Variants in CCDC50 observed in about 807,000 individuals in gnomAD.
CCDC50 encodes coiled-coil domain containing 50.
CCDC50 carries 54 observed loss-of-function variants against 70.2 expected under a neutral mutation model. That is an observed-to-expected ratio of 0.77 (90% CI 0.62 to 0.96). CCDC50 has a LOEUF of 0.96. Among genes scored for constraint, CCDC50 ranks in the 50% least tolerant of loss-of-function variants. CCDC50 has a pLI of 0.00. For synonymous variants in CCDC50, 216 were observed against 198.8 expected (o/e 1.09, Z -0.73); for missense variants, 558 against 578.7 (o/e 0.96, Z 0.37).
Position 191,367,438 on chromosome 3 carries a change from TA to T in CCDC50, c.331-2477del, listed in dbSNP as rs553094313. Reference sequence around the variant, plus strand: ...ATGAATCTCTCTTTTCTCCAAATGTTAAAATGAATCTCTTTTCTCCGAATGT... The same window carrying T: ...ATGAATCTCTCTTTTCTCCAAATGTTAAATGAATCTCTTTTCTCCGAATGT... On this transcript the variant is annotated intron_variant, in intron 4 of 11. Transcript: ENST00000392455. Among the ~76,000 whole-genome samples the T allele has an allele frequency of 1.1e-3, 171 of 152,174 alleles. 2 individuals are homozygous for T. Among genetic ancestry groups the T allele is most frequent in the African/African-American group, 3.9e-3 (164 of 41,572 alleles).
chr3:191,376,816 G>A (rs1045717876), intron 6 of CCDC50, among the ~76,000 whole-genome samples: 1 of 152,122 alleles, frequency 6.6e-6, no homozygotes, highest in Non-Finnish European at 1.5e-5. Flanking sequence ...GTAGGTTTAT[G>A]AGGAGGTTAC....
intron 10 of CCDC50, among the ~76,000 whole-genome samples, chr3:191,383,419 CT>C (rs59130355): frequency 0.068 from 9,840 of 145,214 alleles, 1,015 homozygotes; most frequent in African/African-American, 0.23. Context: ...GAAGTAACCT[CT>C]TTTTTTTTTT....
In CCDC50 at chr3:191,379,026, AT is replaced by A. The variant is rs1243098830; in HGVS notation, c.977-1129del. On this transcript the variant is annotated intron_variant, in intron 6 of 11. Transcript: ENST00000392455. ...CATCATTTGCCCAGTGTTTACTTGT[AT>A]TTTATTTTTTTAAAGATTAACAGCA... Among the ~76,000 whole-genome samples the A allele has an allele frequency of 1.3e-5, 2 of 152,058 alleles. 1 individual carries two copies. Among genetic ancestry groups the A allele is most frequent in the East Asian group, 3.8e-4 (2 of 5,204 alleles).
chr3:191,347,082 T>A (rs1711953027), intron 1 of CCDC50, among the ~76,000 whole-genome samples: 2 of 141,938 alleles, frequency 1.4e-5, no homozygotes, highest in South Asian at 4.4e-4. Flanking sequence ...TTGCAGAGGA[T>A]CCTGAGTTAT....
chr3:191,337,899 A>G (rs980401159), intron 1 of CCDC50, among the ~76,000 whole-genome samples: 3 of 151,954 alleles, frequency 2.0e-5, no homozygotes, highest in Non-Finnish European at 4.4e-5. Context: ...ATGAAGTATC[A>G]TTTCATCTTT....
Position 191,380,139 on chromosome 3 carries a change from G to GTTTTT in CCDC50, c.977-9_977-5dup. 5.8e-5 allele frequency: 69 copies of GTTTTT among 1,182,732 alleles called. No individual in the cohort carries two copies. The highest frequency in any genetic ancestry group is 2.2e-4 in the East Asian group (9 of 40,180). The allele number at this position is 1,182,732 out of a possible 1,614,324, so 73.3% of individuals were successfully genotyped here. On this transcript the variant is annotated intron_variant, in intron 6 of 11. Transcript: ENST00000392455. ...ATCCTCGGTTGTTTTATTACATTGA[G>GTTTTT]TTTTTTTTTTTTTTTAAAGGAATGA...
intron 4 of CCDC50, 150 bp downstream of exon 4, chr3:191,361,309 A>G: frequency 2.9e-6 from 2 of 680,662 alleles, no homozygotes; most frequent in South Asian, 1.6e-5. Flanking sequence ...TCTGTGGACC[A>G]TGATTTATAG....
intron 1 of CCDC50, among the ~76,000 whole-genome samples, chr3:191,335,915 C>T (rs144878894): frequency 1.1e-3 from 174 of 151,758 alleles, no homozygotes; most frequent in Non-Finnish European, 2.1e-3. Context: ...AACCCCCAAA[C>T]TTCTCAACCC....
chr3:191,386,614 T>C (rs959482068), intron 10 of CCDC50, among the ~76,000 whole-genome samples: 1 of 152,190 alleles, frequency 6.6e-6, no homozygotes, highest in East Asian at 1.9e-4. Context: ...CTAGACTTGA[T>C]AAACAACTTA....
chr3:191,337,331 T>C (rs1711555484), intron 1 of CCDC50, among the ~76,000 whole-genome samples: 1 of 152,216 alleles, frequency 6.6e-6, no homozygotes. Flanking sequence ...ATTGAACTCT[T>C]ATGACAGCCT....
chr3:191,352,254 T>C lies in CCDC50; in HGVS notation c.50-4834T>C, dbSNP rs1560159687. On this transcript the variant is annotated intron_variant, in intron 1 of 11. Transcript: ENST00000392455. ...TGAAATAGAGTTCAACACATGTTTA[T>C]TGAGTAAATGGTGTTGATTAGGTGC... is the stretch of plus-strand genomic sequence containing the variant. 2.1e-5 allele frequency among the ~76,000 whole-genome samples: 3 copies of C among 142,500 alleles called. 1 individual carries two copies. The highest frequency in any genetic ancestry group is 4.7e-5 in the Non-Finnish European group (3 of 63,190). 93.5% of individuals were successfully genotyped at this position (142,500 alleles called of 152,430 possible). A position where few individuals can be genotyped will look rare whatever the true frequency, so the allele number is the denominator to read the frequency against.
intron 6 of CCDC50, among the ~76,000 whole-genome samples, chr3:191,375,891 G>A (rs1713097058): frequency 6.6e-6 from 1 of 152,088 alleles, no homozygotes; most frequent in South Asian, 2.1e-4. Context: ...CCGAGACTGT[G>A]TATCAGAGAT....
At chr3:191,359,037 G>A (rs902724951) in intron 3 of CCDC50, among the ~76,000 whole-genome samples, 34 of 152,216 alleles carry the variant, frequency 2.2e-4, no homozygotes, top group African/African-American at 7.9e-4. Flanking sequence ...GCTAAATCTG[G>A]CACCATGAAA....
At position 191,358,052 on chromosome 3, in the gene CCDC50, T is replaced by G; in HGVS notation, c.167T>G (p.Leu56Arg). 1.2e-6 allele frequency: 2 copies of G among 1,614,034 alleles called. No homozygotes were observed. Among genetic ancestry groups the G allele is most frequent in the Non-Finnish European group, 1.7e-6 (2 of 1,179,910 alleles). ...VQRNRLVQHD[L>R]QVAKQLQEED... Reference sequence around the variant, plus strand: ...CGGAACCGTTTGGTCCAGCATGATCTCCAGGTGGCTAAGCAGCTCCAAGAG... The same window carrying G: ...CGGAACCGTTTGGTCCAGCATGATCGCCAGGTGGCTAAGCAGCTCCAAGAG... The change falls in exon 3 of 12, where the codon CTC becomes CGC. Residue 56 changes from leucine (L) to arginine (R), a missense_variant. Physicochemically the swap from Leu to Arg is moderately radical, Grantham distance 102. Coordinates refer to ENST00000392455, the MANE Select transcript of CCDC50 (RefSeq NM_178335.3).
At position 191,354,528 on chromosome 3, in the gene CCDC50, A is replaced by G. The variant is rs1712211324; in HGVS notation, c.50-2560A>G. 2.6e-5 allele frequency among the ~76,000 whole-genome samples: 4 copies of G among 152,232 alleles called. No homozygotes were observed. The South Asian group carries it at 8.3e-4, about 32-fold the overall frequency. On this transcript the variant is annotated intron_variant, in intron 1 of 11. Coordinates refer to ENST00000392455, the MANE Select transcript of CCDC50 (RefSeq NM_178335.3). ...TAATTTTAGTTAGCATGGTATTAGA[A>G]ACATAGAAAACATATTTTTGGCGTA... is the stretch of plus-strand genomic sequence containing the variant.
chr3:191,347,152 A>ATCTTT (rs1406403073), intron 1 of CCDC50, among the ~76,000 whole-genome samples: 1 of 142,382 alleles, frequency 7.0e-6, no homozygotes, highest in Non-Finnish European at 1.6e-5. Context: ...TGTGATGTTT[A>ATCTTT]TTGCAGGATA....
At chr3:191,348,534 A>G (rs1299468712) in intron 1 of CCDC50, among the ~76,000 whole-genome samples, 1 of 142,248 alleles carries the variant, frequency 7.0e-6, no homozygotes, top group African/African-American at 2.5e-5. Context: ...TATACTAAGG[A>G]TAATAACTAC....
chr3:191,388,833 AT>A (rs1713586399), intron 10 of CCDC50, among the ~76,000 whole-genome samples: 1 of 152,190 alleles, frequency 6.6e-6, no homozygotes, highest in African/African-American at 2.4e-5. Flanking sequence ...GAGATAAAGA[AT>A]GAGAGGTTTT....
intron 5 of CCDC50, among the ~76,000 whole-genome samples, chr3:191,374,599 C>T (rs551358627): frequency 1.9e-4 from 29 of 152,288 alleles, no homozygotes; most frequent in African/African-American, 5.8e-4. Flanking sequence ...TAGCAATATT[C>T]TGATAGTTTT....
Sources: gnomAD v4.1 joint callset for allele counts (sites outside exome capture counted in the v4.1 genomes callset) on GRCh38, gnomAD v4.1.1 for gene constraint, MANE v1.5 for transcripts, NCBI Gene and HGNC (gene_info 2026-07-23, HGNC 2026-07-21) for gene names.